The following TAMM41 variants were observed in gnomAD, a reference collection of about 807,000 sequenced individuals.
The protein encoded by TAMM41 is TAM41 mitochondrial translocator assembly and maintenance homolog, also known as phosphatidate cytidylyltransferase, mitochondrial.
In TAMM41, 36 loss-of-function variants were observed where a neutral mutation model predicts 44.1. The observed-to-expected ratio is 0.82, with a 90% CI of 0.63 to 1.08. The LOEUF (loss-of-function observed/expected upper bound fraction) is 1.08, where lower values mean the gene tolerates loss of function less well. Ranked by LOEUF, TAMM41 falls within the 50% of genes least tolerant of loss-of-function variation. The pLI is 0.00. For synonymous variants in TAMM41, 164 were observed against 153.1 expected (o/e 1.07, Z -0.53); for missense variants, 417 against 404.3 (o/e 1.03, Z -0.27).
the TAMM41 span, among the ~76,000 whole-genome samples, chr3:11,769,255 A>C: frequency 9.9e-5 from 15 of 152,108 alleles, no homozygotes; most frequent in African/African-American, 3.6e-4. Context: ...ACGCACAGCT[A>C]ATTTTTGTAT....
downstream of TAMM41, among the ~76,000 whole-genome samples, chr3:11,785,677 C>T (rs1049542777): frequency 2.0e-5 from 3 of 151,504 alleles, no homozygotes; most frequent in East Asian, 2.0e-4. Context: ...TGCAGTGCCA[C>T]GATCTCCGCT....
the TAMM41 span, among the ~76,000 whole-genome samples, chr3:11,737,946 A>G: frequency 6.6e-6 from 1 of 152,186 alleles, no homozygotes; most frequent in African/African-American, 2.4e-5. Flanking sequence ...ACCACTGTGC[A>G]CACTTCATTC....
the TAMM41 span, among the ~76,000 whole-genome samples, chr3:11,764,501 T>TTTTTTTTTTG: frequency 7.7e-6 from 1 of 130,240 alleles, no homozygotes; most frequent in African/African-American, 3.0e-5. Flanking sequence ...TTTTTTTTTT[T>TTTTTTTTTTG]TTTTTTTTTG....
intron 7 of TAMM41, 52 bp from the exon 8 acceptor site, chr3:11,790,633 G>A (rs2077457395): frequency 6.7e-7 from 1 of 1,482,282 alleles, no homozygotes; most frequent in Non-Finnish European, 9.4e-7. Flanking sequence ...TTGAGTGGAT[G>A]CTCAGAGTTT....
intron 5 of TAMM41, among the ~76,000 whole-genome samples, chr3:11,812,427 T>C (rs1414606463): frequency 6.6e-6 from 1 of 152,128 alleles, no homozygotes; most frequent in Non-Finnish European, 1.5e-5. Flanking sequence ...CATTACGCTG[T>C]ACTATATTCC....
At chr3:11,771,880 G>C in the TAMM41 span, among the ~76,000 whole-genome samples, 7 of 152,106 alleles carry the variant, frequency 4.6e-5, no homozygotes, top group African/African-American at 1.4e-4. Context: ...ACCACGCCCG[G>C]CCTGTTTATT....
intron 3 of TAMM41, chr3:11,832,993 G>C (rs537869548): frequency 1.9e-6 from 2 of 1,031,180 alleles, no homozygotes; most frequent in South Asian, 6.4e-5. Context: ...GAAAATAAAA[G>C]CATCCTTACT....
chr3:11,739,713 T>C, the TAMM41 span, among the ~76,000 whole-genome samples: 2 of 142,658 alleles, frequency 1.4e-5, no homozygotes, highest in African/African-American at 5.2e-5. Context: ...ATGTTAAGGA[T>C]GGAGCAAAAA....
the TAMM41 span, among the ~76,000 whole-genome samples, chr3:11,753,787 G>A: frequency 1.3e-5 from 2 of 152,088 alleles, no homozygotes; most frequent in Admixed American, 1.3e-4. Flanking sequence ...TGAACTCCAG[G>A]AGGAGCAGAC....
At chr3:11,733,895 T>C in the TAMM41 span, among the ~76,000 whole-genome samples, 1 of 152,000 alleles carries the variant, frequency 6.6e-6, no homozygotes, top group African/African-American at 2.4e-5. Flanking sequence ...GGACCCAAGA[T>C]CCTTCTATCT....
At chr3:11,803,719 T>C (rs888204916) in intron 7 of TAMM41, among the ~76,000 whole-genome samples, 1 of 152,084 alleles carries the variant, frequency 6.6e-6, no homozygotes, top group Admixed American at 6.5e-5. Flanking sequence ...TGTATATATC[T>C]ACATCTATAT....
chr3:11,733,938 T>C, the TAMM41 span, among the ~76,000 whole-genome samples: 7 of 152,084 alleles, frequency 4.6e-5, no homozygotes, highest in Non-Finnish European at 7.4e-5. Flanking sequence ...GCCCCAGAGT[T>C]CATTGCATGA....
At chr3:11,740,808 C>T in the TAMM41 span, among the ~76,000 whole-genome samples, 11 of 140,816 alleles carry the variant, frequency 7.8e-5, no homozygotes, top group South Asian at 2.2e-4. Flanking sequence ...TCAGGTGATC[C>T]GGCTGTCTTG....
chr3:11,817,301 T>C lies in TAMM41; in HGVS notation c.599A>G (p.Lys200Arg), dbSNP rs1239768663. ...FRMVVGEDKT[K>R]VLNIVKPNIA... ...ATTGGGCTTCACAATATTCAACACT[T>C]TTGTTTTATCTTCTCCAACCACCAT... The change falls in exon 5 of 8, where the codon AAA becomes AGA. Residue 200 changes from lysine to arginine, a missense_variant. By Grantham distance (26) the Lys-to-Arg change is conservative. Transcript: ENST00000455809. The C allele has an allele frequency of 6.2e-7, 1 of 1,612,244 alleles. No individual in the cohort carries two copies. Among genetic ancestry groups the C allele is most frequent in the South Asian group, 1.1e-5 (1 of 90,964 alleles).
chr3:11,816,792 C>A (rs6809766), intron 5 of TAMM41, among the ~76,000 whole-genome samples: 19,840 of 150,906 alleles, frequency 0.13, 2,821 homozygotes, highest in East Asian at 0.48. Context: ...GAAAAAAAAA[C>A]AACAACAACC....
intron 2 of TAMM41, among the ~76,000 whole-genome samples, chr3:11,841,935 G>A (rs1467090611): frequency 6.6e-6 from 1 of 152,150 alleles, no homozygotes; most frequent in Non-Finnish European, 1.5e-5. Context: ...GATCTCAACC[G>A]GAAAAGCAAA....
chr3:11,747,719 T>C, the TAMM41 span, among the ~76,000 whole-genome samples: 1 of 151,846 alleles, frequency 6.6e-6, no homozygotes, highest in Non-Finnish European at 1.5e-5. Flanking sequence ...TGTGCTATTA[T>C]TGTGCCACTG....
chr3:11,725,377 C>T, the TAMM41 span, among the ~76,000 whole-genome samples: 277 of 135,800 alleles, frequency 2.0e-3, 2 homozygotes, highest in Middle Eastern at 9.0e-3. Context: ...TCCTCCTCCT[C>T]TTCCTCCTCC....
At chr3:11,819,988 G>A (rs1429087132) in intron 4 of TAMM41, among the ~76,000 whole-genome samples, 1 of 152,062 alleles carries the variant, frequency 6.6e-6, no homozygotes, top group African/African-American at 2.4e-5. Context: ...CTGCCTCTCG[G>A]TATTAGGGTA....
Sources: gnomAD v4.1 joint callset for allele counts (sites outside exome capture counted in the v4.1 genomes callset) on GRCh38, gnomAD v4.1.1 for gene constraint, MANE v1.5 for transcripts, NCBI Gene and HGNC (gene_info 2026-07-23, HGNC 2026-07-21) for gene names.